Variants in VPS13D observed in about 807,000 individuals in gnomAD.
VPS13D encodes the protein vacuolar protein sorting 13 homolog D.
In VPS13D, 187 loss-of-function variants were observed where a neutral mutation model predicts 461.9. The observed-to-expected ratio is 0.40, with a 90% CI of 0.36 to 0.46. The LOEUF (loss-of-function observed/expected upper bound fraction) is 0.46, where lower values mean the gene tolerates loss of function less well. Among genes scored for constraint, VPS13D ranks in the 20% least tolerant of loss-of-function variants. The pLI is 0.60. For missense variants in VPS13D, 4,711 were observed against 5,364.9 expected, an observed-to-expected ratio of 0.88 and a Z score of 3.81; for synonymous variants, 1,951 against 1,986.3, an observed-to-expected ratio of 0.98 and a Z score of 0.47.
At chr1:12,498,813 G>C (rs1032703450) in intron 68 of VPS13D, among the ~76,000 whole-genome samples, 3 of 152,110 alleles carry the variant, frequency 2.0e-5, no homozygotes, top group African/African-American at 7.2e-5. Context: ...GAGAGAGAGG[G>C]GGAGCTCTCT....
chr1:12,469,618 G>A (rs934252460), intron 67 of VPS13D, among the ~76,000 whole-genome samples: 3 of 152,074 alleles, frequency 2.0e-5, no homozygotes, highest in Non-Finnish European at 4.4e-5. Context: ...GGGCTAATTC[G>A]GACTAAACCG....
At chr1:12,270,309 T>C (rs1641399861) in intron 16 of VPS13D, among the ~76,000 whole-genome samples, 1 of 151,068 alleles carries the variant, frequency 6.6e-6, no homozygotes, top group Non-Finnish European at 1.5e-5. Context: ...ATACAAAAAT[T>C]AGCTGGGTGT....
At chr1:12,370,745 T>C (rs1644104357) in intron 54 of VPS13D, among the ~76,000 whole-genome samples, 1 of 152,250 alleles carries the variant, frequency 6.6e-6, no homozygotes, top group Non-Finnish European at 1.5e-5. Context: ...TAAGGTTTAA[T>C]GCCTGAAAAA....
At chr1:12,491,210 A>G (rs114945323) in intron 67 of VPS13D, among the ~76,000 whole-genome samples, 6,026 of 152,262 alleles carry the variant, frequency 0.04, 216 homozygotes, top group Admixed American at 0.11. Flanking sequence ...CCATCACACA[A>G]CCCTTAAGGA....
chr1:12,280,250 G>A (rs1038028801), intron 20 of VPS13D, among the ~76,000 whole-genome samples: 2 of 151,024 alleles, frequency 1.3e-5, no homozygotes, highest in Non-Finnish European at 3.0e-5. Context: ...TGTGGTCTGT[G>A]TCTGGCACAA....
At chr1:12,244,480 A>C in intron 4 of VPS13D, 44 bp downstream of exon 4, 1 of 1,614,026 alleles carries the variant, frequency 6.2e-7, no homozygotes, top group Non-Finnish European at 8.5e-7. Flanking sequence ...TTGTGGTGAC[A>C]CGTGTAAGAT....
At chr1:12,356,329 A>T (rs1643885487) in intron 48 of VPS13D, 69 bp from the exon 49 acceptor site, 1 of 1,531,276 alleles carries the variant, frequency 6.5e-7, no homozygotes, top group Non-Finnish European at 8.8e-7. Flanking sequence ...GGTTTTATTC[A>T]TTCACCATTT....
chr1:12,445,273 C>T (rs1645178444), intron 65 of VPS13D, among the ~76,000 whole-genome samples: 1 of 152,222 alleles, frequency 6.6e-6, no homozygotes, highest in Admixed American at 6.5e-5. Context: ...GTAAAAAGTA[C>T]ATTGAACCAG....
At chr1:12,342,534 T>C (rs931651900) in intron 41 of VPS13D, among the ~76,000 whole-genome samples, 3 of 152,230 alleles carry the variant, frequency 2.0e-5, no homozygotes, top group Non-Finnish European at 2.9e-5. Context: ...CCCCCAAGTA[T>C]GAGACTGCTC....
At chr1:12,508,353 T>TG (rs939127683) in intron 69 of VPS13D, among the ~76,000 whole-genome samples, 9 of 151,938 alleles carry the variant, frequency 5.9e-5, no homozygotes, top group East Asian at 1.9e-4. Flanking sequence ...GTTATGGCCG[T>TG]GGGGGGGAGT....
chr1:12,333,046 A>G (rs1643369610), intron 37 of VPS13D, among the ~76,000 whole-genome samples, 180 bp from the exon 38 acceptor site: 1 of 152,114 alleles, frequency 6.6e-6, no homozygotes, highest in African/African-American at 2.4e-5. Flanking sequence ...CTTCTGGACA[A>G]CGCAGACATC....
chr1:12,468,546 G>A (rs1370322748), intron 67 of VPS13D, among the ~76,000 whole-genome samples: 4 of 152,174 alleles, frequency 2.6e-5, no homozygotes, highest in Non-Finnish European at 5.9e-5. Context: ...ACAGATTATG[G>A]CTCGGAAGCA....
intron 67 of VPS13D, chr1:12,478,629 T>G: frequency 2.8e-6 from 1 of 359,452 alleles, no homozygotes; most frequent in South Asian, 2.1e-5. Flanking sequence ...TGCACGTTTC[T>G]TTTCTTCAAA....
In VPS13D at chr1:12,267,888, C is replaced by G. The variant is rs538184123; in HGVS notation, c.1769C>G (p.Thr590Ser). The change falls in exon 15 of 70, where the codon ACT (threonine) becomes AGT (serine). Residue 590 changes from threonine to serine, a missense_variant. Transcript: ENST00000620676. ...GRVSQSFGLQ[T>S]TSADRSDHYP... Reference sequence around the variant, plus strand: ...GTCTCACAATCTTTTGGTCTACAAACTACATCTGCAGACAGAAGTGATCAT... The same window carrying G: ...GTCTCACAATCTTTTGGTCTACAAAGTACATCTGCAGACAGAAGTGATCAT... 6.2e-7 allele frequency: 1 copy of G among 1,614,154 alleles called. No homozygotes were observed. The highest frequency in any genetic ancestry group is 2.2e-5 in the East Asian group (1 of 44,880).
chr1:12,295,240 A>AG (rs57360175), intron 24 of VPS13D, among the ~76,000 whole-genome samples: 1 of 151,098 alleles, frequency 6.6e-6, no homozygotes, highest in Admixed American at 6.6e-5. Flanking sequence ...AAAAAAAAAA[A>AG]CAAAACTTTA....
At chr1:12,307,782 G>A (rs1438242175) in intron 26 of VPS13D, among the ~76,000 whole-genome samples, 2 of 152,106 alleles carry the variant, frequency 1.3e-5, no homozygotes, top group East Asian at 1.9e-4. Flanking sequence ...GTGAGCCACC[G>A]CTCCCGGCTT....
At position 12,311,157 on chromosome 1, in the gene VPS13D, C is replaced by A. The variant is rs142583849; in HGVS notation, c.6651-297C>A. Among the ~76,000 whole-genome samples the A allele has an allele frequency of 2.1e-3, 322 of 152,156 alleles. 9 individuals are homozygous for A. In the East Asian group the frequency reaches 0.055, roughly 26 times the overall value. ...TCTCGAACTCCTGGGCTCAAGTGAT[C>A]CTCCCACCTCAGCCTCCCAAAGTGC... On this transcript the variant is annotated intron_variant, in intron 27 of 69. Transcript: ENST00000620676.
intron 34 of VPS13D, 62 bp downstream of exon 34, chr1:12,322,808 TA>T: frequency 6.7e-7 from 1 of 1,489,642 alleles, no homozygotes; most frequent in Non-Finnish European, 9.2e-7. Flanking sequence ...TTTTGACTCT[TA>T]AAATTTTCTT....
intron 55 of VPS13D, among the ~76,000 whole-genome samples, chr1:12,375,836 C>G (rs1283952013): frequency 6.6e-6 from 1 of 152,198 alleles, no homozygotes; most frequent in African/African-American, 2.4e-5. Context: ...CAATTCCACA[C>G]TGGGCCACCC....
Sources: gnomAD v4.1 joint callset for allele counts (sites outside exome capture counted in the v4.1 genomes callset) on GRCh38, gnomAD v4.1.1 for gene constraint, MANE v1.5 for transcripts, NCBI Gene and HGNC (gene_info 2026-07-23, HGNC 2026-07-21) for gene names.